GALNT13: variants seen among roughly 807,000 people sequenced by gnomAD.
GALNT13 encodes the protein polypeptide N-acetylgalactosaminyltransferase 13.
GALNT13 carries 28 observed loss-of-function variants against 64.2 expected under a neutral mutation model. That is an observed-to-expected ratio of 0.44 (90% CI 0.32 to 0.60). The LOEUF (loss-of-function observed/expected upper bound fraction) is 0.60. Among genes scored for constraint, GALNT13 ranks in the 20% least tolerant of loss-of-function variants. The pLI is 0.05. For synonymous variants in GALNT13, 214 were observed against 224.6 expected (o/e 0.95, Z 0.42); for missense variants, 577 against 669.8 (o/e 0.86, Z 1.53).
intron 12 of GALNT13, among the ~76,000 whole-genome samples, chr2:154,444,063 G>C (rs950753427): frequency 6.6e-6 from 1 of 152,086 alleles, no homozygotes; most frequent in African/African-American, 2.4e-5. Context: ...AATATAGCTG[G>C]ATGTAGTGGC....
chr2:153,825,487 G>C, the GALNT13 span, among the ~76,000 whole-genome samples: 1 of 152,138 alleles, frequency 6.6e-6, no homozygotes, highest in African/African-American at 2.4e-5. Context: ...GATTAGCGCA[G>C]TGCAAAATTA....
At chr2:153,841,366 C>T in the GALNT13 span, among the ~76,000 whole-genome samples, 1 of 152,052 alleles carries the variant, frequency 6.6e-6, no homozygotes, top group Non-Finnish European at 1.5e-5. Context: ...TTTTTAGAAA[C>T]TTTTACTTCA....
chr2:153,385,714 T>C, the GALNT13 span, among the ~76,000 whole-genome samples: 1 of 152,030 alleles, frequency 6.6e-6, no homozygotes, highest in South Asian at 2.1e-4. Flanking sequence ...AGAGCATTAC[T>C]GGATTGTTTG....
chr2:153,073,108 T>A, the GALNT13 span, among the ~76,000 whole-genome samples: 1 of 152,136 alleles, frequency 6.6e-6, no homozygotes, highest in Admixed American at 6.6e-5. Flanking sequence ...CATAAGTAGG[T>A]TACGCGCTTT....
intron 11 of GALNT13, among the ~76,000 whole-genome samples, chr2:154,428,618 T>A (rs1700571404): frequency 6.6e-6 from 1 of 152,202 alleles, no homozygotes; most frequent in African/African-American, 2.4e-5. Context: ...TTTAACAAAT[T>A]GAATGTTTGT....
chr2:153,710,763 A>G, the GALNT13 span, among the ~76,000 whole-genome samples: 1 of 152,062 alleles, frequency 6.6e-6, no homozygotes, highest in Non-Finnish European at 1.5e-5. Flanking sequence ...TATCATATAC[A>G]TTGGGAACTA....
At chr2:153,368,597 A>T in the GALNT13 span, among the ~76,000 whole-genome samples, 2 of 152,194 alleles carry the variant, frequency 1.3e-5, no homozygotes, top group Admixed American at 6.6e-5. Flanking sequence ...ACATGACGAT[A>T]AAGAATACAA....
intron 10 of GALNT13, among the ~76,000 whole-genome samples, chr2:154,403,657 A>T (rs560766780): frequency 1.3e-5 from 2 of 152,288 alleles, no homozygotes; most frequent in East Asian, 3.9e-4. Flanking sequence ...GGCACTAAGC[A>T]TAAAGAATAC....
chr2:154,003,901 C>T (rs2105228067), intron 3 of GALNT13, among the ~76,000 whole-genome samples: 1 of 152,236 alleles, frequency 6.6e-6, no homozygotes, highest in Admixed American at 6.5e-5. Context: ...CCTGAGGCCT[C>T]CCCAGAAGCA....
chr2:153,231,184 G>T, the GALNT13 span, among the ~76,000 whole-genome samples: 1 of 152,166 alleles, frequency 6.6e-6, no homozygotes, highest in African/African-American at 2.4e-5. Context: ...GGCTGGAATG[G>T]TGCCAGCAGA....
the GALNT13 span, among the ~76,000 whole-genome samples, chr2:153,436,824 C>T: frequency 6.6e-6 from 1 of 152,146 alleles, no homozygotes; most frequent in African/African-American, 2.4e-5. Flanking sequence ...TCTCTATTTC[C>T]TTCAGTTCTG....
the GALNT13 span, among the ~76,000 whole-genome samples, chr2:153,558,009 C>A: frequency 6.3e-4 from 96 of 152,266 alleles, no homozygotes; most frequent in Non-Finnish European, 1.0e-3. Context: ...TCCTTTGATA[C>A]AGACACAGGA....
At chr2:154,117,859 A>G (rs1434669597) in intron 3 of GALNT13, among the ~76,000 whole-genome samples, 1 of 152,224 alleles carries the variant, frequency 6.6e-6, no homozygotes, top group Non-Finnish European at 1.5e-5. Flanking sequence ...AAGGACTTAA[A>G]TCTAAGACCT....
the GALNT13 span, among the ~76,000 whole-genome samples, chr2:153,166,363 A>C: frequency 6.6e-6 from 1 of 152,194 alleles, no homozygotes; most frequent in African/African-American, 2.4e-5. Context: ...TTGAAGAAGC[A>C]AGCTGCCATA....
chr2:153,756,469 C>A, the GALNT13 span, among the ~76,000 whole-genome samples: 12 of 152,050 alleles, frequency 7.9e-5, no homozygotes, highest in East Asian at 1.5e-3. Flanking sequence ...ACTTTTGTAT[C>A]CTTGTAGTAG....
chr2:153,554,289 G>A, the GALNT13 span, among the ~76,000 whole-genome samples: 1 of 151,930 alleles, frequency 6.6e-6, no homozygotes, highest in Non-Finnish European at 1.5e-5. Flanking sequence ...AGCCGAGATC[G>A]TGCCACTGCA....
At chr2:153,529,185 A>G in the GALNT13 span, among the ~76,000 whole-genome samples, 1 of 151,968 alleles carries the variant, frequency 6.6e-6, no homozygotes, top group Non-Finnish European at 1.5e-5. Flanking sequence ...TAGACTAAAT[A>G]AAAAAGAAAA....
chr2:154,446,740 A>G, intron 12 of GALNT13: 1 of 1,533,800 alleles, frequency 6.5e-7, no homozygotes, highest in Admixed American at 2.0e-5. Context: ...AATTCTACTG[A>G]TTACATTCTC....
intron 3 of GALNT13, among the ~76,000 whole-genome samples, chr2:154,118,739 T>C (rs1009053279): frequency 2.6e-5 from 4 of 152,100 alleles, no homozygotes; most frequent in African/African-American, 9.7e-5. Context: ...GATTTTTGCT[T>C]TTTTATTACC....
Sources: gnomAD v4.1 joint callset for allele counts (sites outside exome capture counted in the v4.1 genomes callset) on GRCh38, gnomAD v4.1.1 for gene constraint, MANE v1.5 for transcripts, NCBI Gene and HGNC (gene_info 2026-07-23, HGNC 2026-07-21) for gene names.